Variants in SLC25A34 observed in about 807,000 individuals in gnomAD.
The protein encoded by SLC25A34 is solute carrier family 25 member 34.
SLC25A34 carries 26 observed loss-of-function variants against 28.1 expected under a neutral mutation model. That is an observed-to-expected ratio of 0.93 (90% CI 0.68 to 1.28). The LOEUF (loss-of-function observed/expected upper bound fraction) is 1.28, where lower values mean the gene tolerates loss of function less well. SLC25A34 is among the 50% of genes most tolerant of loss of function. The probability of loss-of-function intolerance (pLI) is 0.00; values close to 1 mark genes in which losing one functional copy is unlikely to be tolerated. For synonymous variants in SLC25A34, 182 were observed against 182.2 expected (o/e 1.00, Z 0.01); for missense variants, 384 against 409.8 (o/e 0.94, Z 0.54).
chr1:15,737,112 C>T (rs1485051903), intron 1 of SLC25A34, among the ~76,000 whole-genome samples: 1 of 152,206 alleles, frequency 6.6e-6, no homozygotes, highest in Non-Finnish European at 1.5e-5. Context: ...CAGAGGGTGT[C>T]AGATGTGCTG....
chr1:15,736,887 C>A, intron 1 of SLC25A34, 24 bp downstream of exon 1: 1 of 1,495,410 alleles, frequency 6.7e-7, no homozygotes, highest in South Asian at 1.3e-5. Flanking sequence ...CTCCATCGTC[C>A]ACCCTCCACC....
In SLC25A34 at chr1:15,738,642, A is replaced by G; in HGVS notation, c.646A>G (p.Ser216Gly). 1 of 1,609,550 alleles carries G rather than the reference A, an allele frequency of 6.2e-7. No homozygotes were observed. ...WLVALAGGMI[S>G]SIAVVVVMTP... is the part of the protein sequence containing the mutation. ...GGTGGCCCTGGCTGGGGGCATGATC[A>G]GCAGCATAGCCGTGGTTGTCGTCAT... Residue 216 changes from serine to glycine, a missense_variant, in exon 4 of 5, where the codon AGC becomes GGC. By Grantham distance (56) the Ser-to-Gly change is moderately conservative (BLOSUM62 0). Coordinates refer to ENST00000294454, the MANE Select transcript of SLC25A34 (RefSeq NM_207348.3).
intron 4 of SLC25A34, 142 bp downstream of exon 4, chr1:15,738,870 CATTAA>C: frequency 8.5e-7 from 1 of 1,169,742 alleles, no homozygotes; most frequent in South Asian, 1.9e-5. Flanking sequence ...TATGCAAACA[CATTAA>C]CTGGGCTTGT....
chr1:15,738,855 C>A (rs1006508121), intron 4 of SLC25A34, 127 bp downstream of exon 4: 3 of 1,257,390 alleles, frequency 2.4e-6, no homozygotes, highest in Non-Finnish European at 3.1e-6. Flanking sequence ...CAGACACAGG[C>A]CAGGTATGCA....
At position 15,738,235 on chromosome 1, in the gene SLC25A34, A is replaced by G. The variant is rs2068245494; in HGVS notation, c.587A>G (p.Gln196Arg). 1 of 1,599,960 alleles carries G rather than the reference A, an allele frequency of 6.3e-7. No homozygotes were observed. The highest frequency in any genetic ancestry group is 8.5e-7 in the Non-Finnish European group (1 of 1,173,712). The change falls in exon 3 of 5, where the codon CAG becomes CGG. Residue 196 changes from glutamine to arginine, a missense_variant. Transcript: ENST00000294454. ...ATFASAKAWV[Q>R]KQQWLPEDSW... ...TTCGCCTCTGCCAAGGCCTGGGTAC[A>G]GAAGCAACAGGTGAGGAGCTGGGGA...
Position 15,737,789 on chromosome 1 carries a change from A to T in SLC25A34, c.379-140A>T, listed in dbSNP as rs964577426. The T allele has an allele frequency of 5.7e-6, 5 of 883,172 alleles. No homozygotes were observed. In the East Asian group the frequency reaches 7.9e-5, roughly 14 times the overall value. The allele number at this position is 883,172 out of a possible 1,614,324, so 54.7% of individuals were successfully genotyped here. A position where few individuals can be genotyped will look rare whatever the true frequency, so the allele number is the denominator to read the frequency against. On this transcript the variant is annotated intron_variant, in intron 1 of 4. Coordinates refer to ENST00000294454, the MANE Select transcript of SLC25A34 (RefSeq NM_207348.3). ...CAGAGCTGCACCTCAACCCTATTTC[A>T]CTTGACCCCTAAGCTTCAGGCTCGG...
intron 4 of SLC25A34, 79 bp downstream of exon 4, chr1:15,738,807 CA>C: frequency 1.3e-4 from 180 of 1,386,120 alleles, no homozygotes; most frequent in Non-Finnish European, 1.5e-4. Flanking sequence ...CACACACTCT[CA>C]CACACTCACA....
chr1:15,738,384 G>A (rs761031006), intron 3 of SLC25A34, 139 bp downstream of exon 3: 18 of 1,332,986 alleles, frequency 1.4e-5, no homozygotes, highest in Non-Finnish European at 1.8e-5. Flanking sequence ...CGTGACTCCG[G>A]CCCTTGGTAC....
intron 1 of SLC25A34, 26 bp downstream of exon 1, chr1:15,736,889 C>A (rs757662616): frequency 4.7e-6 from 7 of 1,495,516 alleles, no homozygotes; most frequent in Non-Finnish European, 6.2e-6. Context: ...CCATCGTCCA[C>A]CCTCCACCAT....
Position 15,736,557 on chromosome 1 carries a change from C to G in SLC25A34, c.72C>G (p.Thr24=), listed in dbSNP as rs756256545. The G allele has an allele frequency of 6.8e-7, 1 of 1,464,958 alleles. No individual in the cohort carries two copies. Among genetic ancestry groups the G allele is most frequent in the Non-Finnish European group, 9.0e-7 (1 of 1,108,176 alleles). 90.7% of individuals were successfully genotyped at this position (1,464,958 alleles called of 1,614,324 possible). ...ASACCLACVF[T]NPLEVVKTRL... Reference sequence around the variant, plus strand: ...CCTGCTGCCTGGCCTGTGTCTTCACCAACCCCCTGGAGGTGGTGAAGACGC... The same window carrying G: ...CCTGCTGCCTGGCCTGTGTCTTCACGAACCCCCTGGAGGTGGTGAAGACGC... Residue 24 remains threonine (T), a synonymous_variant, in exon 1 of 5, where the codon ACC becomes ACG. Transcript: ENST00000294454.
intron 1 of SLC25A34, 88 bp downstream of exon 1, chr1:15,736,951 G>C: frequency 7.1e-7 from 1 of 1,414,604 alleles, no homozygotes; most frequent in East Asian, 2.6e-5. Context: ...GCAGGGCTCA[G>C]TGGACCTGGG....
intron 4 of SLC25A34, 80 bp downstream of exon 4, chr1:15,738,808 ACACACT>A (rs60035976): frequency 0.35 from 479,057 of 1,355,388 alleles, 89,521 homozygotes; most frequent in East Asian, 0.61. Flanking sequence ...ACACACTCTC[ACACACT>A]CACACTCACA....
In SLC25A34 at chr1:15,736,469, C is replaced by T. The variant is rs2068223498; in HGVS notation, c.-17C>T. ...GTGCCCCTGACCCGGGCACAGAAGG[C>T]CACTGGCCCGGAGGCCATGGAGACG... On this transcript the variant is annotated 5_prime_UTR_variant, in exon 1 of 5. Coordinates refer to ENST00000294454, the MANE Select transcript of SLC25A34 (RefSeq NM_207348.3). 7.0e-7 allele frequency: 1 copy of T among 1,434,310 alleles called. No individual in the cohort carries two copies. The allele number at this position is 1,434,310 out of a possible 1,614,324, so 88.8% of individuals were successfully genotyped here.
At chr1:15,737,763 C>T (rs572357808) in intron 1 of SLC25A34, 166 bp from the exon 2 acceptor site, 68 of 697,342 alleles carry the variant, frequency 9.8e-5, no homozygotes, top group Non-Finnish European at 1.5e-4. Context: ...CAGGCCAACC[C>T]CAGAGCTGCA....
intron 4 of SLC25A34, 193 bp from the exon 5 acceptor site, chr1:15,739,031 G>C: frequency 1.4e-6 from 1 of 705,492 alleles, no homozygotes; most frequent in Non-Finnish European, 2.3e-6. Flanking sequence ...CAGCTGGTAA[G>C]GGGAGGAGCC....
At chr1:15,739,091 C>A in intron 4 of SLC25A34, 133 bp from the exon 5 acceptor site, 2 of 1,178,230 alleles carry the variant, frequency 1.7e-6, no homozygotes, top group South Asian at 1.6e-5. Context: ...GCGCCGCAGC[C>A]TCACAGGTGT....
rs1298091984 is a variant in SLC25A34 at position 15,738,147 on chromosome 1, TG to T, written c.501del (p.Trp167CysfsTer48). On this transcript the variant is annotated frameshift_variant, in exon 3 of 5. Coordinates refer to ENST00000294454, the MANE Select transcript of SLC25A34 (RefSeq NM_207348.3). LOFTEE classifies it high-confidence loss of function. ...GCGGCAGCAAGGGCTCTTGGGGCTG[TG>T]GCAGGGCGTTGGTGGGGCTGTGCCC... is the stretch of plus-strand genomic sequence containing the variant. Reference protein sequence around the residue: ...IWRQQGLLGLWQGVGGAVPRV... With the variant: ...IWRQQGLLGLXQGVGGAVPRV... 3.1e-6 allele frequency: 5 copies of T among 1,607,446 alleles called. No individual in the cohort carries two copies.
Position 15,738,204 on chromosome 1 carries a change from G to T in SLC25A34, c.556G>T (p.Ala186Ser). The part of the protein sequence containing the change: ...RVMVGSAAQL[A>S]TFASAKAWVQ... ...CATGGTGGGCTCAGCTGCCCAGCTG[G>T]CCACCTTCGCCTCTGCCAAGGCCTG... is the stretch of plus-strand genomic sequence containing the variant. Residue 186 changes from alanine to serine, a missense_variant, in exon 3 of 5, where the codon GCC becomes TCC. Ala to Ser is a moderately conservative substitution (Grantham distance 99). Coordinates refer to ENST00000294454, the MANE Select transcript of SLC25A34 (RefSeq NM_207348.3). 1.2e-6 allele frequency: 2 copies of T among 1,603,464 alleles called. No individual in the cohort carries two copies. Among genetic ancestry groups the T allele is most frequent in the South Asian group, 1.1e-5 (1 of 89,446 alleles).
chr1:15,737,799 T>G, intron 1 of SLC25A34, 130 bp from the exon 2 acceptor site: 1 of 1,012,262 alleles, frequency 9.9e-7, no homozygotes, highest in Non-Finnish European at 1.5e-6. Context: ...ACTTGACCCC[T>G]AAGCTTCAGG....
Sources: allele counts gnomAD v4.1 joint callset (sites outside exome capture counted in the v4.1 genomes callset), GRCh38; gene constraint gnomAD v4.1.1; transcripts MANE v1.5; gene names NCBI Gene and HGNC (gene_info 2026-07-23, HGNC 2026-07-21).